Variants in ADGRL3 observed in about 807,000 individuals in gnomAD.
The protein encoded by ADGRL3 is adhesion G protein-coupled receptor L3, also known as calcium-independent alpha-latrotoxin receptor 3.
Under a neutral mutation model 153.5 loss-of-function variants are expected in ADGRL3, and 62 were observed. That is an observed-to-expected ratio of 0.40 (90% CI 0.33 to 0.50). ADGRL3 has a LOEUF of 0.50. ADGRL3 is among the 20% of genes least tolerant of loss of function. ADGRL3 has a pLI of 0.47. For synonymous variants in ADGRL3, 710 were observed against 672.5 expected (o/e 1.06, Z -0.86); for missense variants, 1,641 against 1,859.4 (o/e 0.88, Z 2.16).
At chr4:61,816,347 G>A (rs886187379) in intron 9 of ADGRL3, among the ~76,000 whole-genome samples, 6 of 152,156 alleles carry the variant, frequency 3.9e-5, no homozygotes, top group African/African-American at 1.2e-4. Flanking sequence ...TGCAGAGGAG[G>A]GGACTCACTC....
At chr4:62,010,568 C>A (rs1423488122) in intron 21 of ADGRL3, among the ~76,000 whole-genome samples, 1 of 152,076 alleles carries the variant, frequency 6.6e-6, no homozygotes, top group South Asian at 2.1e-4. Context: ...ATAAGAATGT[C>A]ATTTCCCTGA....
chr4:61,352,226 A>G (rs2096064723), intron 1 of ADGRL3, among the ~76,000 whole-genome samples: 1 of 152,198 alleles, frequency 6.6e-6, no homozygotes, highest in South Asian at 2.1e-4. Flanking sequence ...ATGGAGATGG[A>G]AGATGTTACT....
chr4:61,963,645 T>C (rs181346916), intron 17 of ADGRL3, among the ~76,000 whole-genome samples: 4 of 152,328 alleles, frequency 2.6e-5, no homozygotes, highest in African/African-American at 9.6e-5. Flanking sequence ...ACCACATTTT[T>C]CTTTTTCTGG....
chr4:61,301,807 A>G (rs2094587079), intron 1 of ADGRL3, among the ~76,000 whole-genome samples: 1 of 152,182 alleles, frequency 6.6e-6, no homozygotes, highest in South Asian at 2.1e-4. Flanking sequence ...AACAGCACTA[A>G]AAAGAACATA....
At chr4:62,020,882 A>C (rs1293002517) in intron 21 of ADGRL3, among the ~76,000 whole-genome samples, 1 of 152,108 alleles carries the variant, frequency 6.6e-6, no homozygotes, top group African/African-American at 2.4e-5. Flanking sequence ...TTTAATGTTC[A>C]TTAGGAATTT....
intron 1 of ADGRL3, among the ~76,000 whole-genome samples, chr4:61,327,666 A>G (rs2095492860): frequency 6.6e-6 from 1 of 152,048 alleles, no homozygotes; most frequent in South Asian, 2.1e-4. Context: ...AGCAGGTAGA[A>G]TAAGAGGTGA....
At chr4:61,914,503 A>G (rs910307363) in intron 13 of ADGRL3, among the ~76,000 whole-genome samples, 11 of 152,074 alleles carry the variant, frequency 7.2e-5, no homozygotes, top group African/African-American at 2.2e-4. Context: ...GGAAAGTGCA[A>G]CTGGACAAAG....
intron 2 of ADGRL3, among the ~76,000 whole-genome samples, chr4:61,428,875 A>C (rs56296647): frequency 2.3e-3 from 259 of 114,486 alleles, no homozygotes; most frequent in Admixed American, 6.5e-3. Flanking sequence ...ATCTATCTAT[A>C]TCATCTATCT....
chr4:61,480,284 T>C (rs1429447633), intron 2 of ADGRL3, among the ~76,000 whole-genome samples: 1 of 152,178 alleles, frequency 6.6e-6, no homozygotes, highest in African/African-American at 2.4e-5. Context: ...CATTCAATAT[T>C]TGTTGTTCTG....
intron 24 of ADGRL3, among the ~76,000 whole-genome samples, chr4:62,038,393 C>T (rs1726268090): frequency 6.6e-6 from 1 of 152,022 alleles, no homozygotes; most frequent in Non-Finnish European, 1.5e-5. Context: ...CCCATTCGCC[C>T]AGCACTAGAC....
intron 19 of ADGRL3, among the ~76,000 whole-genome samples, chr4:61,996,062 C>T (rs1351448236): frequency 4.0e-5 from 6 of 151,840 alleles, no homozygotes; most frequent in Non-Finnish European, 7.4e-5. Flanking sequence ...GCAAATAGGC[C>T]CAGTGCCATA....
intron 4 of ADGRL3, among the ~76,000 whole-genome samples, chr4:61,532,543 C>CGT (rs1373452239): frequency 4.3e-4 from 29 of 67,884 alleles, no homozygotes; most frequent in Admixed American, 2.6e-3. Context: ...CGCGCGCGCG[C>CGT]GCGCGCGCGC....
intron 4 of ADGRL3, among the ~76,000 whole-genome samples, chr4:61,524,788 C>A (rs1391961878): frequency 6.6e-6 from 1 of 151,970 alleles, no homozygotes; most frequent in Non-Finnish European, 1.5e-5. Flanking sequence ...ATAATCAAAA[C>A]AGAGATATAT....
At chr4:61,850,764 G>A (rs534563394) in intron 9 of ADGRL3, among the ~76,000 whole-genome samples, 1 of 152,168 alleles carries the variant, frequency 6.6e-6, no homozygotes, top group Admixed American at 6.5e-5. Context: ...GTAGTTAAGT[G>A]GAAATTTAAA....
chr4:61,701,313 G>A (rs1225889848), intron 6 of ADGRL3, among the ~76,000 whole-genome samples: 5 of 151,982 alleles, frequency 3.3e-5, no homozygotes, highest in Non-Finnish European at 5.9e-5. Flanking sequence ...CTATCTCAAA[G>A]TAGGTTATAT....
intron 1 of ADGRL3, among the ~76,000 whole-genome samples, chr4:61,261,247 G>T (rs2092493973): frequency 1.4e-5 from 2 of 141,594 alleles, no homozygotes; most frequent in South Asian, 4.5e-4. Context: ...CCCCAGGCTG[G>T]TTTCAAACTC....
chr4:61,888,575 T>C (rs2098552317), intron 9 of ADGRL3, among the ~76,000 whole-genome samples: 1 of 152,194 alleles, frequency 6.6e-6, no homozygotes, highest in African/African-American at 2.4e-5. Context: ...GAGCCTGCGG[T>C]AGTCTTACAT....
chr4:61,291,583 CATAT>C (rs1207822155), intron 1 of ADGRL3, among the ~76,000 whole-genome samples: 4 of 77,540 alleles, frequency 5.2e-5, no homozygotes, highest in African/African-American at 2.0e-4. Flanking sequence ...TATATATATA[CATAT>C]ATATATATAT....
intron 9 of ADGRL3, among the ~76,000 whole-genome samples, chr4:61,835,662 A>C (rs940355712): frequency 6.6e-6 from 1 of 152,136 alleles, no homozygotes; most frequent in Non-Finnish European, 1.5e-5. Context: ...CAAGATTTGG[A>C]ATCTCCCCAT....
Sources: allele counts gnomAD v4.1 joint callset (sites outside exome capture counted in the v4.1 genomes callset), GRCh38; gene constraint gnomAD v4.1.1; transcripts MANE v1.5; gene names NCBI Gene and HGNC (gene_info 2026-07-23, HGNC 2026-07-21).